MBD5: variants seen among roughly 807,000 people sequenced by gnomAD.
The protein encoded by MBD5 is methyl-CpG-binding domain protein 5.
In MBD5, 13 loss-of-function variants were observed where a neutral mutation model predicts 117.3. The ratio of observed to expected loss-of-function variants is 0.11; its 90% CI spans 0.07 to 0.18. The LOEUF is 0.18. Among genes scored for constraint, MBD5 ranks in the 10% least tolerant of loss-of-function variants. The pLI, the probability that MBD5 is intolerant of heterozygous loss-of-function variation, is 1.00. For missense variants in MBD5, 1,879 were observed against 2,093.8 expected, an observed-to-expected ratio of 0.90 and a Z score of 2.00; for synonymous variants, 727 against 766.4, an observed-to-expected ratio of 0.95 and a Z score of 0.85.
Position 148,483,513 on chromosome 2 carries a change from T to G in MBD5, c.2922T>G (p.Ser974Arg), listed in dbSNP as rs897908707. 2 of 1,611,446 alleles carry G rather than the reference T, an allele frequency of 1.2e-6. No individual in the cohort carries two copies. Among genetic ancestry groups the G allele is most frequent in the Non-Finnish European group, 1.7e-6 (2 of 1,178,548 alleles). ...NVNAALAFLS[S>R]DMDGQVLQPV... Reference sequence around the variant, plus strand: ...ACGCTGCTTTAGCTTTTCTCTCCAGTGACATGGATGGGCAGGTATTGCAGC... The same window carrying G: ...ACGCTGCTTTAGCTTTTCTCTCCAGGGACATGGATGGGCAGGTATTGCAGC... Residue 974 changes from serine (S) to arginine (R), a missense_variant, in exon 9 of 14, where the codon AGT becomes AGG. By Grantham distance (110) the Ser-to-Arg change is moderately radical. Transcript: ENST00000642680.
chr2:148,108,617 T>C (rs1397723317), intron 1 of MBD5, among the ~76,000 whole-genome samples: 2 of 152,222 alleles, frequency 1.3e-5, no homozygotes, highest in Non-Finnish European at 2.9e-5. Context: ...ATTTAAGTGC[T>C]TGCCGTACCA....
chr2:148,443,563 A>G (rs749706888), intron 4 of MBD5, among the ~76,000 whole-genome samples: 1 of 151,502 alleles, frequency 6.6e-6, no homozygotes, highest in Non-Finnish European at 1.5e-5. Flanking sequence ...AGCCAAAAGA[A>G]GAATGAGATC....
chr2:148,168,075 A>C, intron 1 of MBD5, among the ~76,000 whole-genome samples: 1 of 152,132 alleles, frequency 6.6e-6, no homozygotes, highest in East Asian at 1.9e-4. Context: ...TTGGTGTTTA[A>C]TTTGTGAAAG....
At chr2:148,426,286 A>C (rs1313030653) in intron 4 of MBD5, among the ~76,000 whole-genome samples, 2 of 152,208 alleles carry the variant, frequency 1.3e-5, no homozygotes, top group Non-Finnish European at 2.9e-5. Context: ...TTCTTCACAG[A>C]ATTGGAAAAA....
intron 4 of MBD5, among the ~76,000 whole-genome samples, chr2:148,388,662 T>A (rs1704454258): frequency 6.6e-6 from 1 of 152,156 alleles, no homozygotes; most frequent in African/African-American, 2.4e-5. Context: ...GCAGGTTTAG[T>A]TTCTGCTGAG....
intron 1 of MBD5, among the ~76,000 whole-genome samples, chr2:148,079,798 A>G (rs562870852): frequency 6.6e-6 from 1 of 152,092 alleles, no homozygotes; most frequent in East Asian, 1.9e-4. Flanking sequence ...CGGAGGTTGC[A>G]GTGAGCTGAG....
intron 9 of MBD5, 118 bp downstream of exon 9, chr2:148,484,253 A>G (rs919843553): frequency 2.1e-5 from 18 of 869,560 alleles, no homozygotes; most frequent in Non-Finnish European, 2.9e-5. Context: ...GTTATGTCAC[A>G]GCTTGCTTAA....
intron 3 of MBD5, chr2:148,296,193 TA>T (rs1194557686): frequency 5.1e-6 from 1 of 197,032 alleles, no homozygotes; most frequent in African/African-American, 2.4e-5. Flanking sequence ...TCATTATCAA[TA>T]TTACCATTTG....
At position 148,308,813 on chromosome 2, in the gene MBD5, C is replaced by T. The variant is rs73013091; in HGVS notation, c.-679-33401C>T. Among the ~76,000 whole-genome samples the T allele has an allele frequency of 5.3e-3, 805 of 151,932 alleles. 9 individuals carry two copies. The highest frequency in any genetic ancestry group is 0.019 in the African/African-American group (779 of 41,392). On this transcript the variant is annotated intron_variant, in intron 3 of 13. Transcript: ENST00000642680. Reference sequence around the variant, plus strand: ...TCTTACATATAAGTCTTTAATCCATCCTAAGTTCATTTTTCTATAAAGTGT... The same window carrying T: ...TCTTACATATAAGTCTTTAATCCATTCTAAGTTCATTTTTCTATAAAGTGT...
chr2:148,036,529 AGTT>A (rs1433469287), intron 1 of MBD5, among the ~76,000 whole-genome samples: 6 of 152,128 alleles, frequency 3.9e-5, no homozygotes. Context: ...AGACAATTAA[AGTT>A]AAGTATTGGG....
rs969045167 is a variant in MBD5, at chr2:148,513,156, G to C, written c.*215G>C. ...AAGCCAATCAAAGTCTCTGTGTGATGAGAGTGATCAATGGTCAAGAGATTA... is the reference window on the plus strand; with the variant it reads ...AAGCCAATCAAAGTCTCTGTGTGATCAGAGTGATCAATGGTCAAGAGATTA... On this transcript the variant is annotated 3_prime_UTR_variant, in exon 14 of 14. Transcript: ENST00000642680. The C allele has an allele frequency of 1.8e-6, 1 of 565,958 alleles. No homozygotes were observed. Among genetic ancestry groups the C allele is most frequent in the African/African-American group, 1.9e-5 (1 of 53,168 alleles). 35.1% of individuals were successfully genotyped at this position (565,958 alleles called of 1,614,324 possible). A position where few individuals can be genotyped will look rare whatever the true frequency, so the allele number is the denominator to read the frequency against.
chr2:148,239,268 T>C (rs1382161099), intron 3 of MBD5, among the ~76,000 whole-genome samples: 1 of 151,556 alleles, frequency 6.6e-6, no homozygotes, highest in Non-Finnish European at 1.5e-5. Context: ...AGTTCCTTGA[T>C]CATTCATTTT....
At chr2:148,464,233 A>G (rs926301224) in intron 7 of MBD5, among the ~76,000 whole-genome samples, 2 of 152,164 alleles carry the variant, frequency 1.3e-5, no homozygotes, top group African/African-American at 4.8e-5. Flanking sequence ...AAATAAATGT[A>G]GCCTTTTTCC....
At chr2:148,051,600 GT>G (rs2105760873) in intron 1 of MBD5, among the ~76,000 whole-genome samples, 1 of 108,742 alleles carries the variant, frequency 9.2e-6, no homozygotes, top group Admixed American at 1.1e-4. Context: ...TGTTCTGTTT[GT>G]TGAGTGTGTG....
intron 3 of MBD5, among the ~76,000 whole-genome samples, chr2:148,294,196 G>GTTTTTTTTTTTTTTTT (rs60942822): frequency 2.4e-5 from 3 of 127,170 alleles, no homozygotes; most frequent in Admixed American, 8.0e-5. Flanking sequence ...CCAGAATGAA[G>GTTTTTTTTTTTTTTTT]TTTTTTTTTT....
intron 3 of MBD5, among the ~76,000 whole-genome samples, chr2:148,236,096 C>T (rs560619371): frequency 6.6e-6 from 1 of 152,160 alleles, no homozygotes; most frequent in Admixed American, 6.5e-5. Flanking sequence ...ACCATACTGG[C>T]CTCCTTTTGA....
At chr2:148,438,033 A>G (rs1460466233) in intron 4 of MBD5, among the ~76,000 whole-genome samples, 1 of 152,236 alleles carries the variant, frequency 6.6e-6, no homozygotes, top group East Asian at 1.9e-4. Context: ...ATGTTTTCAC[A>G]CAAAGTCAAC....
intron 2 of MBD5, among the ~76,000 whole-genome samples, chr2:148,187,708 A>G (rs912747541): frequency 2.6e-5 from 4 of 152,112 alleles, no homozygotes; most frequent in Non-Finnish European, 5.9e-5. Flanking sequence ...AACATCTAAA[A>G]TGATGACATT....
intron 4 of MBD5, among the ~76,000 whole-genome samples, chr2:148,386,778 G>T (rs757171911): frequency 6.7e-6 from 1 of 149,720 alleles, no homozygotes; most frequent in Non-Finnish European, 1.5e-5. Context: ...TATGGCATAT[G>T]TTTTTGTATG....
Sources: gnomAD v4.1 joint callset for allele counts (sites outside exome capture counted in the v4.1 genomes callset) on GRCh38, gnomAD v4.1.1 for gene constraint, MANE v1.5 for transcripts, NCBI Gene and HGNC (gene_info 2026-07-23, HGNC 2026-07-21) for gene names.